OOSP3: variants seen among roughly 807,000 people sequenced by gnomAD.
The protein encoded by OOSP3 is oocyte secreted protein family member 3.
In OOSP3 at chr11:59,893,802, A is replaced by C. The variant is rs547791359; in HGVS notation, c.253-277A>C. Among the ~76,000 whole-genome samples the C allele has an allele frequency of 2.6e-5, 4 of 152,360 alleles. No homozygotes were observed. The South Asian group carries it at 8.3e-4, about 32-fold the overall frequency. On this transcript the variant is annotated intron_variant, in intron 2 of 4. Coordinates refer to ENST00000646438, the Ensembl canonical transcript of OOSP3. ...TGAGAAAAAAAAACTTGTTAAGTAG[A>C]AGCTGTAGCCCTTGTTCCTAGTCTG... is the stretch of plus-strand genomic sequence containing the variant.
chr11:59,885,170 A>G (rs890732580), intron 2 of OOSP3, among the ~76,000 whole-genome samples: 3 of 152,140 alleles, frequency 2.0e-5, no homozygotes, highest in African/African-American at 7.2e-5. Flanking sequence ...GGTGTATTAC[A>G]TTGATTTTTG....
At chr11:59,892,232 G>A (rs566857808) in intron 2 of OOSP3, among the ~76,000 whole-genome samples, 1 of 151,852 alleles carries the variant, frequency 6.6e-6, no homozygotes, top group Non-Finnish European at 1.5e-5. Context: ...TCTCCGGATG[G>A]GTAGCACAAT....
intron 2 of OOSP3, among the ~76,000 whole-genome samples, chr11:59,882,243 A>G (rs1853208861): frequency 6.7e-6 from 1 of 149,916 alleles, no homozygotes; most frequent in Non-Finnish European, 1.5e-5. Flanking sequence ...AACCAATCAG[A>G]GCTGTAGGTT....
chr11:59,885,300 G>A lies in OOSP3; in HGVS notation c.252+4861G>A, dbSNP rs72931277. On this transcript the variant is annotated intron_variant, in intron 2 of 4. Transcript: ENST00000646438. ...TTTTTATTTTTTGTTGGGGGGGCGC[G>A]TGGTTAGACAATGATTTCTTCTCTT... 1.3e-3 allele frequency among the ~76,000 whole-genome samples: 201 copies of A among 152,182 alleles called. 4 individuals carry two copies. Among genetic ancestry groups the A allele is most frequent in the East Asian group, 8.5e-3 (44 of 5,182 alleles).
At chr11:59,884,475 G>GTCTGTCTGTCTCTC (rs1293196028) in intron 2 of OOSP3, among the ~76,000 whole-genome samples, 99 of 113,868 alleles carry the variant, frequency 8.7e-4, no homozygotes, top group African/African-American at 3.4e-3. Context: ...CTGTCTGTCT[G>GTCTGTCTGTCTCTC]TCTCTCTCTC....
At chr11:59,888,805 G>T (rs1853284862) in intron 2 of OOSP3, among the ~76,000 whole-genome samples, 1 of 152,144 alleles carries the variant, frequency 6.6e-6, no homozygotes, top group Admixed American at 6.5e-5. Flanking sequence ...AATGATGCTG[G>T]CCTCATAACA....
chr11:59,888,814 C>T lies in OOSP3; in HGVS notation c.253-5265C>T, dbSNP rs187976018. ...TATCAGAATGATGCTGGCCTCATAA[C>T]ATGAGTTAGAGAGAAGTTCCTTATT... On this transcript the variant is annotated intron_variant, in intron 2 of 4. Transcript: ENST00000646438. Among the ~76,000 whole-genome samples, 307 of 152,198 alleles carry T rather than the reference C, an allele frequency of 2.0e-3. 4 individuals are homozygous for T. Among genetic ancestry groups the T allele is most frequent in the African/African-American group, 6.6e-3 (273 of 41,546 alleles).
chr11:59,886,322 C>G (rs1323612848), intron 2 of OOSP3, among the ~76,000 whole-genome samples: 1 of 152,178 alleles, frequency 6.6e-6, no homozygotes, highest in Non-Finnish European at 1.5e-5. Flanking sequence ...GATTCCATGT[C>G]TTTGCTATTG....
intron 2 of OOSP3, among the ~76,000 whole-genome samples, chr11:59,882,445 G>A (rs1853213041): frequency 6.6e-6 from 1 of 152,058 alleles, no homozygotes; most frequent in African/African-American, 2.4e-5. Context: ...ATTCACATGA[G>A]TATTTTGATT....
intron 2 of OOSP3, among the ~76,000 whole-genome samples, chr11:59,884,495 C>A (rs1008572947): frequency 1.9e-4 from 28 of 146,972 alleles, no homozygotes; most frequent in Non-Finnish European, 3.7e-4. Flanking sequence ...CTCTCTCTCT[C>A]TCTCTCTCTC....
At chr11:59,886,947 T>G (rs1427037839) in intron 2 of OOSP3, among the ~76,000 whole-genome samples, 1 of 151,924 alleles carries the variant, frequency 6.6e-6, no homozygotes, top group African/African-American at 2.4e-5. Flanking sequence ...TGTGCCACCA[T>G]GCCCGGCTAA....
intron 2 of OOSP3, among the ~76,000 whole-genome samples, chr11:59,883,861 G>T (rs1470086661): frequency 1.3e-5 from 2 of 152,168 alleles, no homozygotes; most frequent in Non-Finnish European, 2.9e-5. Context: ...TCAGTCTCTT[G>T]CTGGACACTG....
At chr11:59,882,478 C>G (rs1375585662) in intron 2 of OOSP3, among the ~76,000 whole-genome samples, 1 of 152,058 alleles carries the variant, frequency 6.6e-6, no homozygotes, top group African/African-American at 2.4e-5. Context: ...AAATCAGATT[C>G]TTTGAGTTTT....
chr11:59,886,213 A>C (rs142651437), intron 2 of OOSP3, among the ~76,000 whole-genome samples: 2,007 of 152,268 alleles, frequency 0.013, 50 homozygotes, highest in African/African-American at 0.045. Context: ...GTCCCTGCAA[A>C]GGACATGATC....
exon 5 of OOSP3, chr11:59,896,277 C>A: frequency 2.5e-6 from 1 of 397,474 alleles, no homozygotes; most frequent in Non-Finnish European, 4.4e-6. Context: ...ATTTTTGAAC[C>A]ACTCACTACA....
chr11:59,884,471 GTCTGTCTCTCTC>G (rs1255189285), intron 2 of OOSP3, among the ~76,000 whole-genome samples: 53 of 100,118 alleles, frequency 5.3e-4, no homozygotes, highest in African/African-American at 2.6e-3. Flanking sequence ...CTGTCTGTCT[GTCTGTCTCTCTC>G]TCTCTCTCTC....
chr11:59,888,872 G>T (rs1186302892), intron 2 of OOSP3, among the ~76,000 whole-genome samples: 1 of 152,158 alleles, frequency 6.6e-6, no homozygotes, highest in Non-Finnish European at 1.5e-5. Context: ...AGAAGGAATG[G>T]TACCAGCTCC....
intron 2 of OOSP3, among the ~76,000 whole-genome samples, chr11:59,888,429 G>T (rs1853281954): frequency 6.6e-6 from 1 of 152,172 alleles, no homozygotes; most frequent in Non-Finnish European, 1.5e-5. Context: ...GATATTGGCT[G>T]TGGGTTTGTC....
rs1254443035 is a variant in OOSP3 at position 59,884,467 on chromosome 11, GTCTGTCTGTCTC to G, written c.252+4032_252+4043del. Among the ~76,000 whole-genome samples, 243 of 121,918 alleles carry G rather than the reference GTCTGTCTGTCTC, an allele frequency of 2.0e-3. 1 individual carries two copies. The highest frequency in any genetic ancestry group is 7.6e-3 in the African/African-American group (230 of 30,130). The allele number at this position is 121,918 out of a possible 152,430, so 80.0% of individuals were successfully genotyped here. On this transcript the variant is annotated intron_variant, in intron 2 of 4. Transcript: ENST00000646438. Reference sequence around the variant, plus strand: ...TGTCTGTTTGTCTGTCTGTCTGTCTGTCTGTCTGTCTCTCTCTCTCTCTCTCTCTCTCTCTCT... The same window carrying G: ...TGTCTGTTTGTCTGTCTGTCTGTCTGTCTCTCTCTCTCTCTCTCTCTCTCT...
Sources: gnomAD v4.1 joint callset for allele counts (sites outside exome capture counted in the v4.1 genomes callset) on GRCh38, gnomAD v4.1.1 for gene constraint, MANE v1.5 for transcripts, NCBI Gene and HGNC (gene_info 2026-07-23, HGNC 2026-07-21) for gene names.